The following CAST variants were observed in gnomAD, a reference collection of about 807,000 sequenced individuals.
CAST encodes the protein calpastatin.
CAST carries 76 observed loss-of-function variants against 119.6 expected under a neutral mutation model. That is an observed-to-expected ratio of 0.64 (90% confidence interval 0.53 to 0.77). The LOEUF is 0.77. CAST is among the 30% of genes least tolerant of loss of function. The pLI is 0.00. For synonymous variants in CAST, 319 were observed against 331.6 expected, an observed-to-expected ratio of 0.96 and a Z score of 0.41; for missense variants, 953 against 946.5, an observed-to-expected ratio of 1.01 and a Z score of -0.09.
At chr5:96,116,000 A>G in the CAST span, among the ~76,000 whole-genome samples, 1 of 151,598 alleles carries the variant, frequency 6.6e-6, no homozygotes, top group Admixed American at 6.6e-5. Flanking sequence ...AGTTTAATGA[A>G]TTTTGGTAAT....
At chr5:96,257,211 A>G in the CAST span, among the ~76,000 whole-genome samples, 1 of 152,168 alleles carries the variant, frequency 6.6e-6, no homozygotes, top group Admixed American at 6.6e-5. Flanking sequence ...TTGTATCTTT[A>G]TCTGAGTTTA....
chr5:95,964,380 G>T, the CAST span, among the ~76,000 whole-genome samples: 2 of 152,208 alleles, frequency 1.3e-5, no homozygotes, highest in African/African-American at 2.4e-5. Flanking sequence ...TTGAATACCA[G>T]TTAAGTATAA....
At chr5:96,540,968 T>C (rs1033764065) in intron 1 of CAST, among the ~76,000 whole-genome samples, 1 of 152,194 alleles carries the variant, frequency 6.6e-6, no homozygotes, top group African/African-American at 2.4e-5. Flanking sequence ...GAAGTAGTTT[T>C]TGTCAGGTTT....
chr5:96,642,241 C>CA (rs1488760943), intron 1 of CAST, among the ~76,000 whole-genome samples: 1 of 152,180 alleles, frequency 6.6e-6, no homozygotes, highest in Non-Finnish European at 1.5e-5. Context: ...CACTAGACTC[C>CA]ATGATGAAAA....
intron 2 of CAST, among the ~76,000 whole-genome samples, chr5:96,688,994 G>A (rs534125120): frequency 1.0e-4 from 15 of 144,262 alleles, no homozygotes; most frequent in Admixed American, 8.5e-4. Flanking sequence ...TGTATGTTTT[G>A]TGTGCTTGTG....
intron 1 of CAST, among the ~76,000 whole-genome samples, chr5:96,620,688 GAAAA>G (rs950232140): frequency 1.3e-5 from 2 of 151,990 alleles, no homozygotes; most frequent in Non-Finnish European, 2.9e-5. Flanking sequence ...CATAAAAAAA[GAAAA>G]AAATTCACCA....
the CAST span, among the ~76,000 whole-genome samples, chr5:96,063,140 T>A: frequency 6.6e-6 from 1 of 152,204 alleles, no homozygotes; most frequent in East Asian, 1.9e-4. Context: ...CAAGTGGATA[T>A]AAATCTGGTG....
At chr5:96,364,888 C>G in the CAST span, among the ~76,000 whole-genome samples, 4 of 152,132 alleles carry the variant, frequency 2.6e-5, no homozygotes, top group Admixed American at 1.3e-4. Context: ...TTTGCTCTTG[C>G]TTCTCTAGTT....
chr5:96,578,243 T>C (rs1167140462), intron 1 of CAST, among the ~76,000 whole-genome samples: 1 of 152,064 alleles, frequency 6.6e-6, no homozygotes. Context: ...TATAGCCAAT[T>C]CTGCCTTCTT....
chr5:96,239,159 A>G, the CAST span, among the ~76,000 whole-genome samples: 1 of 152,098 alleles, frequency 6.6e-6, no homozygotes, highest in Non-Finnish European at 1.5e-5. Context: ...TAATTTTTTT[A>G]ATTAATGGTA....
the CAST span, among the ~76,000 whole-genome samples, chr5:96,188,482 G>C: frequency 2.0e-5 from 3 of 151,876 alleles, no homozygotes; most frequent in South Asian, 6.2e-4. Context: ...TTGATATTAT[G>C]TTATTAATTT....
chr5:96,635,591 A>G (rs1250807820), intron 1 of CAST, among the ~76,000 whole-genome samples: 1 of 152,334 alleles, frequency 6.6e-6, no homozygotes, highest in East Asian at 1.9e-4. Flanking sequence ...CCACAGCAAC[A>G]TTCGCATCAG....
the CAST span, among the ~76,000 whole-genome samples, chr5:96,080,489 G>A: frequency 2.0e-5 from 3 of 152,176 alleles, no homozygotes; most frequent in African/African-American, 7.2e-5. Flanking sequence ...ATAGGTATAA[G>A]TGAAAGTCTG....
At chr5:96,505,118 A>G in the CAST span, among the ~76,000 whole-genome samples, 1 of 152,246 alleles carries the variant, frequency 6.6e-6, no homozygotes, top group Non-Finnish European at 1.5e-5. Flanking sequence ...GGGTAAATGT[A>G]AAGGAGCCGA....
chr5:96,727,396 C>G (rs1759456080), intron 5 of CAST, 93 bp from the exon 6 acceptor site: 1 of 615,066 alleles, frequency 1.6e-6, no homozygotes, highest in African/African-American at 1.9e-5. Context: ...TTTTGAGTTT[C>G]CTCAGTTGAA....
the CAST span, among the ~76,000 whole-genome samples, chr5:96,159,034 A>C: frequency 0.014 from 2,103 of 152,272 alleles, 22 homozygotes; most frequent in Non-Finnish European, 0.02. Flanking sequence ...CTCAAACTGG[A>C]AAAAGGCAGA....
the CAST span, among the ~76,000 whole-genome samples, chr5:95,976,550 A>G: frequency 8.2e-3 from 1,252 of 152,250 alleles, 14 homozygotes; most frequent in African/African-American, 0.029. Context: ...GAGTTATAGA[A>G]TCTTCCAGAT....
chr5:96,042,698 C>T, the CAST span, among the ~76,000 whole-genome samples: 2 of 152,248 alleles, frequency 1.3e-5, no homozygotes, highest in Non-Finnish European at 1.5e-5. Context: ...AGTATGAGTT[C>T]TGTAATCTAA....
the CAST span, among the ~76,000 whole-genome samples, chr5:96,153,005 A>T: frequency 6.6e-6 from 1 of 152,230 alleles, no homozygotes; most frequent in Non-Finnish European, 1.5e-5. Flanking sequence ...GGTGCTTTGT[A>T]ACTAGATGGC....
Sources: gnomAD v4.1 joint callset for allele counts (sites outside exome capture counted in the v4.1 genomes callset) on GRCh38, gnomAD v4.1.1 for gene constraint, MANE v1.5 for transcripts, NCBI Gene and HGNC (gene_info 2026-07-23, HGNC 2026-07-21) for gene names.